The following PICK1 variants were observed in gnomAD, a reference collection of about 807,000 sequenced individuals.
PICK1 encodes the protein protein interacting with PRKCA 1.
In PICK1, 23 loss-of-function variants were observed where a neutral mutation model predicts 48.9. That is an observed-to-expected ratio of 0.47 (90% CI 0.34 to 0.67). The LOEUF (loss-of-function observed/expected upper bound fraction) is 0.67. Among genes scored for constraint, PICK1 ranks in the 30% least tolerant of loss-of-function variants. The pLI is 0.01. For missense variants in PICK1, 423 were observed against 557.1 expected (o/e 0.76, Z 2.42); for synonymous variants, 217 against 228.2 (o/e 0.95, Z 0.44).
At chr22:38,065,191 G>C (rs2085496284) in intron 4 of PICK1, 61 bp downstream of exon 4, 22 of 1,553,744 alleles carry the variant, frequency 1.4e-5, no homozygotes, top group Non-Finnish European at 1.9e-5. Flanking sequence ...AGACCTCCAG[G>C]CTGCCAGAGG....
At chr22:38,069,246 G>A (rs1050330683) in intron 6 of PICK1, 124 bp downstream of exon 6, 44 of 707,550 alleles carry the variant, frequency 6.2e-5, no homozygotes, top group Middle Eastern at 7.6e-4. Context: ...GCCTCTGCCC[G>A]TGGAACTGAG....
At chr22:38,058,367 G>T (rs1321974109) in intron 2 of PICK1, among the ~76,000 whole-genome samples, 1 of 152,176 alleles carries the variant, frequency 6.6e-6, no homozygotes, top group African/African-American at 2.4e-5. Flanking sequence ...GAATCAGCGT[G>T]AGTACTTATC....
Position 38,073,934 on chromosome 22 carries a change from C to G in PICK1, c.834+111C>G, listed in dbSNP as rs548860362. On this transcript the variant is annotated intron_variant, in intron 11 of 12. Coordinates refer to ENST00000356976, the MANE Select transcript of PICK1 (RefSeq NM_012407.4). This position sits in a 1 kb window ranked among gnomAD's most constrained non-coding sequence, Gnocchi z 5.7. Reference sequence around the variant, plus strand: ...GACCGGGGGGACTTGGCTGGACTCTCGTTCCTGGAGATTTAGGGCCATCTT... The same window carrying G: ...GACCGGGGGGACTTGGCTGGACTCTGGTTCCTGGAGATTTAGGGCCATCTT... 9 of 1,119,902 alleles carry G rather than the reference C, an allele frequency of 8.0e-6. No homozygotes were observed. Among genetic ancestry groups the G allele is most frequent in the African/African-American group, 4.6e-5 (3 of 65,468 alleles). The allele number at this position is 1,119,902 out of a possible 1,614,324, so 69.4% of individuals were successfully genotyped here.
At chr22:38,061,144 C>T (rs2085390931) in intron 3 of PICK1, among the ~76,000 whole-genome samples, 1 of 152,060 alleles carries the variant, frequency 6.6e-6, no homozygotes, top group Non-Finnish European at 1.5e-5. Flanking sequence ...AACTTCCAGA[C>T]AAGCTTGGCC....
Position 38,069,083 on chromosome 22 carries a change from G to A in PICK1, c.400G>A (p.Ala134Thr), listed in dbSNP as rs763721808. 3.7e-6 allele frequency: 6 copies of A among 1,612,686 alleles called. No homozygotes were observed. The highest frequency in any genetic ancestry group is 2.2e-5 in the East Asian group (1 of 44,832). The change falls in exon 6 of 13, where the codon GCA becomes ACA. Residue 134 changes from alanine (A) to threonine (T), a missense_variant. Physicochemically the swap from Ala to Thr is moderately conservative, Grantham distance 58. Around this residue, in one of 2 missense-constraint regions of PICK1, gnomAD observed 279 missense variants for 417.8 expected, o/e 0.67. Transcript: ENST00000356976. ...GGTGGAGAACATGAGTTCAGGGACC[G>A]CAGATGCTCTGGGCCTGAGCCGGGC... ...RLVENMSSGTADALGLSRAIL... is the reference protein window; with the variant it reads ...RLVENMSSGTTDALGLSRAIL...
chr22:38,058,308 G>A (rs953949798), intron 2 of PICK1: 1 of 204,492 alleles, frequency 4.9e-6, no homozygotes, highest in Non-Finnish European at 1.0e-5. Flanking sequence ...ACTTAGTAAG[G>A]GACTTGACGT....
In PICK1 at chr22:38,074,426, G is replaced by A; in HGVS notation, c.954G>A (p.Lys318=). 6.2e-7 allele frequency: 1 copy of A among 1,613,212 alleles called. No individual in the cohort carries two copies. Among genetic ancestry groups the A allele is most frequent in the Non-Finnish European group, 8.5e-7 (1 of 1,179,976 alleles). ...AGATGCGCAAGGATGTGCTGGAGAA[G>A]ATGGAGCTGCTGGACCAGAAGCACG... ...FSQMRKDVLE[K]MELLDQKHVQ... Residue 318 remains lysine (K), a synonymous_variant, in exon 12 of 13, where the codon AAG becomes AAA. Coordinates refer to ENST00000356976, the MANE Select transcript of PICK1 (RefSeq NM_012407.4). The surrounding 1 kb of genome is among the most constrained non-coding windows in gnomAD (Gnocchi z 4.5).
intron 6 of PICK1, among the ~76,000 whole-genome samples, chr22:38,069,859 GAACTGGTTGTTGTGTTTTTCCCCCCA>G (rs1380743500): frequency 6.6e-6 from 1 of 152,188 alleles, no homozygotes; most frequent in African/African-American, 2.4e-5. Context: ...GATGAAATTA[GAACTGGTTGTTGTGTTTTTCCCCCCA>G]AACCTTGCAA....
Position 38,073,722 on chromosome 22 carries a change from A to G in PICK1, c.784-51A>G, listed in dbSNP as rs755295079. On this transcript the variant is annotated intron_variant, in intron 10 of 12. Transcript: ENST00000356976. This position sits in a 1 kb window ranked among gnomAD's most constrained non-coding sequence, Gnocchi z 5.7. ...GTGGGTGATGGGGGTGGAGCTGGGG[A>G]CCTGGGGTGGGGGTAGTAGCCACTC... The G allele has an allele frequency of 6.5e-7, 1 of 1,532,918 alleles. No individual in the cohort carries two copies. The highest frequency in any genetic ancestry group is 1.7e-5 in the Admixed American group (1 of 59,822). The allele number at this position is 1,532,918 out of a possible 1,614,324, so 95.0% of individuals were successfully genotyped here.
At chr22:38,069,371 T>C (rs2085617347) in intron 6 of PICK1, among the ~76,000 whole-genome samples, 1 of 152,144 alleles carries the variant, frequency 6.6e-6, no homozygotes, top group African/African-American at 2.4e-5. Flanking sequence ...ATAGACTTAG[T>C]GTGGGGAGGT....
rs369212609 is a variant in PICK1 at position 38,072,958 on chromosome 22, C to T, written c.691-42C>T. ...TGCCATTCATTGTCACCCTGGCACA[C>T]CCCTGCCGTGACAGCCTCAGCATCC... On this transcript the variant is annotated intron_variant, in intron 9 of 12. Transcript: ENST00000356976. 3 of 1,329,150 alleles carry T rather than the reference C, an allele frequency of 2.3e-6. No individual in the cohort carries two copies. In the African/African-American group the frequency reaches 4.3e-5, roughly 19 times the overall value. 82.3% of individuals were successfully genotyped at this position (1,329,150 alleles called of 1,614,324 possible). A position where few individuals can be genotyped will look rare whatever the true frequency, so the allele number is the denominator to read the frequency against.
chr22:38,069,099 T>C lies in PICK1; in HGVS notation c.416T>C (p.Leu139Pro). Reference sequence around the variant, plus strand: ...TCAGGGACCGCAGATGCTCTGGGCCTGAGCCGGGCCATCCTGTGCAATGGT... The same window carrying C: ...TCAGGGACCGCAGATGCTCTGGGCCCGAGCCGGGCCATCCTGTGCAATGGT... ...MSSGTADALG[L>P]SRAILCNDGL... Residue 139 changes from leucine (L) to proline (P), a missense_variant, in exon 6 of 13, where the codon CTG becomes CCG. Leu to Pro is a moderately conservative substitution (Grantham distance 98). This residue lies in a region of PICK1 where 279 missense variants were observed against 417.8 expected (regional missense o/e 0.67). Coordinates refer to ENST00000356976, the MANE Select transcript of PICK1 (RefSeq NM_012407.4). 1 of 1,611,530 alleles carries C rather than the reference T, an allele frequency of 6.2e-7. No homozygotes were observed. The highest frequency in any genetic ancestry group is 8.5e-7 in the Non-Finnish European group (1 of 1,178,958).
intron 3 of PICK1, among the ~76,000 whole-genome samples, chr22:38,063,506 G>A (rs2085455893): frequency 6.6e-6 from 1 of 151,800 alleles, no homozygotes; most frequent in Admixed American, 6.6e-5. Context: ...AAGCACAATC[G>A]GCTAAGAGGA....
At position 38,057,744 on chromosome 22, in the gene PICK1, C is replaced by T. The variant is rs113415038; in HGVS notation, c.-57-9C>T. On this transcript the variant is annotated splice_polypyrimidine_tract_variant and intron_variant, in intron 1 of 12. Coordinates refer to ENST00000356976, the MANE Select transcript of PICK1 (RefSeq NM_012407.4). ...TTAAATCCTATGCTCCTTTCTCTCC[C>T]GGATCCAGTTCCCCATTCCCCTACC... 3 of 1,438,118 alleles carry T rather than the reference C, an allele frequency of 2.1e-6. No individual in the cohort carries two copies. Among genetic ancestry groups the T allele is most frequent in the Non-Finnish European group, 2.9e-6 (3 of 1,019,842 alleles). The allele number at this position is 1,438,118 out of a possible 1,614,324, so 89.1% of individuals were successfully genotyped here.
At chr22:38,071,647 C>T (rs1427488298) in intron 7 of PICK1, 35 bp from the exon 8 acceptor site, 7 of 1,594,802 alleles carry the variant, frequency 4.4e-6, no homozygotes, top group African/African-American at 4.0e-5. Flanking sequence ...CCCCGCCATG[C>T]GTCCCCATTC....
At chr22:38,062,105 C>CT (rs2085416577) in intron 3 of PICK1, among the ~76,000 whole-genome samples, 1 of 152,092 alleles carries the variant, frequency 6.6e-6, no homozygotes, top group Non-Finnish European at 1.5e-5. Flanking sequence ...CAAAACAACT[C>CT]TATGTTTAAC....
At position 38,071,343 on chromosome 22, in the gene PICK1, C is replaced by CA. The variant is rs199685746; in HGVS notation, c.494-331dup. ...TGGGCAATAGAGCAAGACCCTATCT[C>CA]AAAAAAAACAAAACCTGATACTCAT... On this transcript the variant is annotated intron_variant, in intron 7 of 12. Transcript: ENST00000356976. 4.4e-3 allele frequency among the ~76,000 whole-genome samples: 671 copies of CA among 151,828 alleles called. 2 individuals carry two copies. The highest frequency in any genetic ancestry group is 7.2e-3 in the Non-Finnish European group (490 of 67,916).
Position 38,073,676 on chromosome 22 carries a change from C to A in PICK1, c.784-97C>A. Reference sequence around the variant, plus strand: ...CGCTCTGGGACTCCCTGAACACCTGCGCCAGCCTCTCCTGCTGCGTGTGGG... The same window carrying A: ...CGCTCTGGGACTCCCTGAACACCTGAGCCAGCCTCTCCTGCTGCGTGTGGG... On this transcript the variant is annotated intron_variant, in intron 10 of 12. Coordinates refer to ENST00000356976, the MANE Select transcript of PICK1 (RefSeq NM_012407.4). The surrounding 1 kb of genome is among the most constrained non-coding windows in gnomAD (Gnocchi z 5.7). 8.8e-7 allele frequency: 1 copy of A among 1,132,596 alleles called. No homozygotes were observed. Among genetic ancestry groups the A allele is most frequent in the Non-Finnish European group, 1.3e-6 (1 of 743,784 alleles). 70.2% of individuals were successfully genotyped at this position (1,132,596 alleles called of 1,614,324 possible). A position where few individuals can be genotyped will look rare whatever the true frequency, so the allele number is the denominator to read the frequency against.
intron 6 of PICK1, among the ~76,000 whole-genome samples, chr22:38,069,508 G>T (rs1016106034): frequency 5.3e-5 from 8 of 152,222 alleles, no homozygotes; most frequent in African/African-American, 1.7e-4. Context: ...CGTGGTGGCT[G>T]CGCAGGCGAG....
Sources: allele counts gnomAD v4.1 joint callset (sites outside exome capture counted in the v4.1 genomes callset), GRCh38; gene constraint gnomAD v4.1.1; regional missense constraint gnomAD v4.1.1; non-coding constraint Gnocchi (gnomAD v3.1); transcripts MANE v1.5; gene names NCBI Gene and HGNC (gene_info 2026-07-23, HGNC 2026-07-21).